Variants in MACROD1 observed in about 807,000 individuals in gnomAD.
The protein encoded by MACROD1 is mono-ADP ribosylhydrolase 1.
In MACROD1, 31 loss-of-function variants were observed where a neutral mutation model predicts 41.4. That is an observed-to-expected ratio of 0.75 (90% CI 0.56 to 1.01). MACROD1 has a LOEUF of 1.01. MACROD1 is among the 50% of genes least tolerant of loss of function. The pLI, the probability that MACROD1 is intolerant of heterozygous loss-of-function variation, is 0.00. For synonymous variants in MACROD1, 252 were observed against 203.4 expected (o/e 1.24, Z -2.03); for missense variants, 473 against 460.0 (o/e 1.03, Z -0.26).
chr11:64,153,208 GACC>G (rs1467628910), intron 1 of MACROD1, among the ~76,000 whole-genome samples: 1 of 152,088 alleles, frequency 6.6e-6, no homozygotes, highest in African/African-American at 2.4e-5. Context: ...GGCCCGCCCC[GACC>G]GCGCCAGGCC....
chr11:64,101,382 C>A (rs1944667945), intron 3 of MACROD1, among the ~76,000 whole-genome samples: 1 of 152,148 alleles, frequency 6.6e-6, no homozygotes, highest in African/African-American at 2.4e-5. Context: ...GTGGGATGAA[C>A]CTGCCTCCTT....
chr11:64,019,957 C>T (rs945861965), intron 3 of MACROD1, among the ~76,000 whole-genome samples: 13 of 152,254 alleles, frequency 8.5e-5, no homozygotes, highest in African/African-American at 2.6e-4. Context: ...GAGAGGGCAG[C>T]GCCAGCCTCC....
intron 3 of MACROD1, among the ~76,000 whole-genome samples, chr11:64,136,875 G>C (rs962248477): frequency 1.3e-5 from 2 of 152,256 alleles, no homozygotes; most frequent in Non-Finnish European, 2.9e-5. Context: ...AGTCTCTGCA[G>C]GGATGGGGGG....
intron 3 of MACROD1, among the ~76,000 whole-genome samples, chr11:64,080,038 A>C (rs1944275487): frequency 6.6e-6 from 1 of 152,134 alleles, no homozygotes; most frequent in Non-Finnish European, 1.5e-5. Flanking sequence ...TTTGAGATGG[A>C]GTCTCACTCT....
At chr11:64,131,230 A>C (rs938261394) in intron 3 of MACROD1, among the ~76,000 whole-genome samples, 3 of 152,192 alleles carry the variant, frequency 2.0e-5, no homozygotes, top group Non-Finnish European at 2.9e-5. Context: ...GACTCTCTCC[A>C]GGGTTACACC....
Position 64,146,758 on chromosome 11 carries a change from C to T in MACROD1, c.517+4481G>A, listed in dbSNP as rs527571621. The stretch of plus-strand genomic sequence containing the variant: ...CACAAGCACAGACACACACACATCA[C>T]GCACACACACGCATCACACACATCA... On this transcript the variant is annotated intron_variant, in intron 3 of 10. Coordinates refer to ENST00000255681, the MANE Select transcript of MACROD1 (RefSeq NM_014067.4). This position sits in a 1 kb window ranked among gnomAD's most constrained non-coding sequence, Gnocchi z 4.7. 1.3e-5 allele frequency among the ~76,000 whole-genome samples: 2 copies of T among 152,054 alleles called. No homozygotes were observed. The highest frequency in any genetic ancestry group is 2.9e-5 in the Non-Finnish European group (2 of 67,946).
At chr11:64,079,686 G>A (rs554069513) in intron 3 of MACROD1, among the ~76,000 whole-genome samples, 98 of 152,254 alleles carry the variant, frequency 6.4e-4, no homozygotes, top group Admixed American at 2.4e-3. Context: ...AGGAGGTGTG[G>A]TTGGGGAAAG....
chr11:64,046,094 A>G (rs767026767), intron 3 of MACROD1, among the ~76,000 whole-genome samples: 3 of 75,288 alleles, frequency 4.0e-5, no homozygotes, highest in African/African-American at 8.8e-5. Flanking sequence ...CAGGCAGCCA[A>G]GGTCACACAG....
At chr11:64,063,806 C>T (rs1265723753) in intron 3 of MACROD1, among the ~76,000 whole-genome samples, 2 of 152,294 alleles carry the variant, frequency 1.3e-5, no homozygotes, top group East Asian at 1.9e-4. Flanking sequence ...ATGAGACAGC[C>T]GAACAGGAGC....
chr11:64,112,357 A>G (rs1474868344), intron 3 of MACROD1, among the ~76,000 whole-genome samples: 1 of 152,116 alleles, frequency 6.6e-6, no homozygotes, highest in East Asian at 1.9e-4. Context: ...TACTAAAAAT[A>G]CAAAAAATTA....
At chr11:64,085,027 C>T (rs191490494) in intron 3 of MACROD1, among the ~76,000 whole-genome samples, 4 of 152,334 alleles carry the variant, frequency 2.6e-5, no homozygotes, top group Admixed American at 2.6e-4. Context: ...CTATTATCCC[C>T]ATTTTACAGA....
intron 3 of MACROD1, among the ~76,000 whole-genome samples, chr11:64,022,867 ATTTTTTTTTTTTTT>A (rs922794608): frequency 1.1e-5 from 1 of 90,766 alleles, no homozygotes; most frequent in South Asian, 4.3e-4. Context: ...TTCCACATGG[ATTTTTTTTTTTTTT>A]TTTTTTTTTT....
chr11:63,999,042 C>T lies in MACROD1; in HGVS notation c.892-6G>A. 1 of 1,599,042 alleles carries T rather than the reference C, an allele frequency of 6.3e-7. No individual in the cohort carries two copies. Among genetic ancestry groups the T allele is most frequent in the Non-Finnish European group, 8.5e-7 (1 of 1,174,166 alleles). Reference sequence around the variant, plus strand: ...CAGATGATCAGCCGGTCCACCTGCGCCAGGGGCTGCTCAGCCTGGGCCGAG... The same window carrying T: ...CAGATGATCAGCCGGTCCACCTGCGTCAGGGGCTGCTCAGCCTGGGCCGAG... On this transcript the variant is annotated splice_polypyrimidine_tract_variant and splice_region_variant and intron_variant, in intron 8 of 10. Coordinates refer to ENST00000255681, the MANE Select transcript of MACROD1 (RefSeq NM_014067.4).
At position 64,165,976 on chromosome 11, in the gene MACROD1, G is replaced by C. The variant is rs1175724196; in HGVS notation, c.19C>G (p.Leu7Val). Reference protein sequence around the residue: MSLQSRLSGRLAQLRAA... With the variant: MSLQSRVSGRLAQLRAA... ...CGCAGCTGTGCCAGGCGGCCGGACA[G>C]TCGGCTCTGTAGAGACATGAGCGGG... is the stretch of plus-strand genomic sequence containing the variant. Residue 7 changes from leucine to valine, a missense_variant, in exon 1 of 11, where the codon CTG (leucine) becomes GTG (valine). Transcript: ENST00000255681. 1 of 1,294,032 alleles carries C rather than the reference G, an allele frequency of 7.7e-7. No individual in the cohort carries two copies. Among genetic ancestry groups the C allele is most frequent in the African/African-American group, 1.5e-5 (1 of 64,698 alleles). The allele number at this position is 1,294,032 out of a possible 1,614,324, so 80.2% of individuals were successfully genotyped here.
intron 4 of MACROD1, among the ~76,000 whole-genome samples, chr11:64,005,788 G>T (rs1306002977): frequency 6.6e-6 from 1 of 152,250 alleles, no homozygotes; most frequent in Non-Finnish European, 1.5e-5. Flanking sequence ...CACTGCCAGG[G>T]TGGAGATGCC....
At chr11:64,029,684 G>A (rs559204212) in intron 3 of MACROD1, among the ~76,000 whole-genome samples, 1 of 152,044 alleles carries the variant, frequency 6.6e-6, no homozygotes, top group South Asian at 2.1e-4. Context: ...ATGCCCATGA[G>A]CTGCTCGTCA....
At chr11:64,048,653 C>T (rs747165840) in intron 3 of MACROD1, among the ~76,000 whole-genome samples, 8 of 151,802 alleles carry the variant, frequency 5.3e-5, no homozygotes, top group Non-Finnish European at 1.2e-4. Flanking sequence ...GCGTCATCAC[C>T]GATTCCTTAA....
intron 3 of MACROD1, among the ~76,000 whole-genome samples, chr11:64,145,705 C>G (rs1945485736): frequency 6.6e-6 from 1 of 152,228 alleles, no homozygotes; most frequent in Admixed American, 6.5e-5. Context: ...CTGCCCTGTC[C>G]TCTTATGACA....
rs1244575469 is a variant in MACROD1, at chr11:63,999,391, C to G, written c.831G>C (p.Glu277Asp). 5 of 1,591,904 alleles carry G rather than the reference C, an allele frequency of 3.1e-6. No homozygotes were observed. The highest frequency in any genetic ancestry group is 1.3e-5 in the African/African-American group (1 of 74,788). Residue 277 changes from glutamate to aspartate, a missense_variant, in exon 8 of 11, where the codon GAG becomes GAC. Coordinates refer to ENST00000255681, the MANE Select transcript of MACROD1 (RefSeq NM_014067.4). The part of the protein sequence containing the change: ...ISTGVFGYPC[E>D]AAAEIVLATL... ...TGGCCAGCACGATCTCGGCGGCCGC[C>G]TCACAGGGGTAGCCTGAGGCGGGTG...
Sources: gnomAD v4.1 joint callset for allele counts (sites outside exome capture counted in the v4.1 genomes callset) on GRCh38, gnomAD v4.1.1 for gene constraint, Gnocchi (gnomAD v3.1) non-coding constraint, MANE v1.5 for transcripts, NCBI Gene and HGNC (gene_info 2026-07-23, HGNC 2026-07-21) for gene names.